PCDH11X: variants seen among roughly 807,000 people sequenced by gnomAD.
PCDH11X encodes protocadherin 11 X-linked, also known as protocadherin-11 X-linked.
A neutral mutation model predicts 53.3 loss-of-function variants in PCDH11X; 18 were observed. The observed-to-expected ratio is 0.34, with a 90% CI of 0.23 to 0.50. PCDH11X has a LOEUF of 0.50. PCDH11X is among the 20% of genes least tolerant of loss of function. PCDH11X has a pLI of 0.98. For synonymous variants in PCDH11X, 279 were observed against 393.3 expected (o/e 0.71, Z 3.44); for missense variants, 570 against 1,032.4 (o/e 0.55, Z 6.14).
At chrX:92,021,874 T>G (rs2062889924) in intron 6 of PCDH11X, among the ~76,000 whole-genome samples, 1 of 108,518 alleles carries the variant, frequency 9.2e-6, no homozygotes, top group African/African-American at 3.4e-5. Flanking sequence ...TTCAACATTC[T>G]TAAAAAAAAG....
At chrX:92,604,921 C>T (rs1310382151) in intron 10 of PCDH11X, among the ~76,000 whole-genome samples, 1 of 103,569 alleles carries the variant, frequency 9.7e-6, no homozygotes, top group Non-Finnish European at 1.9e-5. Context: ...AACTCCAGTG[C>T]CACCAAATTC....
intron 8 of PCDH11X, among the ~76,000 whole-genome samples, chrX:92,312,482 G>A (rs1355400356): frequency 5.4e-5 from 6 of 110,340 alleles, no homozygotes; most frequent in Admixed American, 1.9e-4. Context: ...GTTAAAGTAA[G>A]AGATTGGTTC....
chrX:91,980,955 G>GTA (rs766457156), intron 6 of PCDH11X, among the ~76,000 whole-genome samples: 3,679 of 83,498 alleles, frequency 0.044, 123 homozygotes, highest in African/African-American at 0.1. Flanking sequence ...TTTTATATAT[G>GTA]TATATATATA....
intron 7 of PCDH11X, among the ~76,000 whole-genome samples, chrX:92,241,651 G>A (rs1240323467): frequency 8.9e-6 from 1 of 111,963 alleles, no homozygotes; most frequent in East Asian, 2.8e-4. Flanking sequence ...GTGAATGTCT[G>A]TCACAGCAGA....
At chrX:91,863,768 AT>A (rs1401397599) in intron 5 of PCDH11X, among the ~76,000 whole-genome samples, 1 of 110,543 alleles carries the variant, frequency 9.0e-6, no homozygotes, top group African/African-American at 3.3e-5. Flanking sequence ...TTTTCATTTT[AT>A]GTTTTTTGGT....
chrX:91,857,236 T>C (rs188203958), intron 5 of PCDH11X, among the ~76,000 whole-genome samples: 2,733 of 110,563 alleles, frequency 0.025, 38 homozygotes, highest in Non-Finnish European at 0.037. Context: ...ATGAGACTTA[T>C]TCACTATCAC....
intron 7 of PCDH11X, among the ~76,000 whole-genome samples, chrX:92,216,052 T>C (rs1335885867): frequency 1.8e-5 from 2 of 110,090 alleles, no homozygotes; most frequent in African/African-American, 6.6e-5. Context: ...AAAACCCATC[T>C]GTATGTCACC....
chrX:91,990,513 A>G (rs1054244637), intron 6 of PCDH11X, among the ~76,000 whole-genome samples: 12 of 111,753 alleles, frequency 1.1e-4, no homozygotes, highest in African/African-American at 3.9e-4. Context: ...GCTTCATGGT[A>G]TGATGAGTGA....
intron 9 of PCDH11X, among the ~76,000 whole-genome samples, chrX:92,403,761 G>T (rs1306678350): frequency 2.7e-5 from 3 of 111,357 alleles, no homozygotes; most frequent in Non-Finnish European, 5.7e-5. Context: ...GAAAATAGAA[G>T]ACCTGATAAT....
At chrX:92,555,525 T>G (rs1169629182) in intron 10 of PCDH11X, among the ~76,000 whole-genome samples, 2 of 111,984 alleles carry the variant, frequency 1.8e-5, no homozygotes, top group Non-Finnish European at 3.8e-5. Flanking sequence ...ATTAGAGACT[T>G]CATGGAATAT....
chrX:91,929,422 C>A (rs186391034), intron 6 of PCDH11X, among the ~76,000 whole-genome samples: 2 of 110,357 alleles, frequency 1.8e-5, no homozygotes, highest in East Asian at 5.8e-4. Flanking sequence ...ACTTACATTT[C>A]TTTGTGTCTG....
chrX:92,429,092 A>G (rs1479527951), intron 9 of PCDH11X, among the ~76,000 whole-genome samples: 1 of 111,074 alleles, frequency 9.0e-6, no homozygotes, highest in African/African-American at 3.3e-5. Context: ...TTTTCTTGGC[A>G]GTGGTCAATA....
intron 6 of PCDH11X, among the ~76,000 whole-genome samples, chrX:92,118,733 T>G (rs2064690003): frequency 2.0e-5 from 1 of 50,499 alleles, no homozygotes. Flanking sequence ...AATGCAGTCT[T>G]TTTTTTTTTT....
intron 6 of PCDH11X, among the ~76,000 whole-genome samples, chrX:91,889,273 A>G (rs1464370594): frequency 9.0e-6 from 1 of 111,353 alleles, no homozygotes; most frequent in Non-Finnish European, 1.9e-5. Flanking sequence ...TTTTGCAGAA[A>G]ATTATACTCA....
At chrX:91,788,004 A>G (rs1181921321) in intron 1 of PCDH11X, among the ~76,000 whole-genome samples, 2 of 111,696 alleles carry the variant, frequency 1.8e-5, no homozygotes, top group African/African-American at 6.5e-5. Flanking sequence ...TTTTACAGAT[A>G]AGAAAAGGAA....
At chrX:92,003,625 T>A (rs2062548829) in intron 6 of PCDH11X, among the ~76,000 whole-genome samples, 1 of 100,226 alleles carries the variant, frequency 1.0e-5, no homozygotes, top group African/African-American at 3.7e-5. Flanking sequence ...CTTGCTAGGT[T>A]GTATGTATAC....
intron 10 of PCDH11X, among the ~76,000 whole-genome samples, chrX:92,491,492 G>A (rs1254542782): frequency 9.1e-6 from 1 of 109,834 alleles, no homozygotes; most frequent in Admixed American, 9.8e-5. Context: ...TGATGTTTTT[G>A]TACACCTCTG....
intron 8 of PCDH11X, among the ~76,000 whole-genome samples, chrX:92,280,614 G>T (rs187992269): frequency 3.5e-4 from 39 of 110,271 alleles, no homozygotes; most frequent in Admixed American, 3.3e-3. Context: ...TTATTGTTCA[G>T]TTCTGAATCT....
chrX:92,225,421 G>GA (rs1332031577), intron 7 of PCDH11X, among the ~76,000 whole-genome samples: 6 of 109,924 alleles, frequency 5.5e-5, no homozygotes, highest in Admixed American at 9.9e-5. Flanking sequence ...AAAGAGAAAA[G>GA]AAAAAAATAA....
Sources: allele counts gnomAD v4.1 joint callset (sites outside exome capture counted in the v4.1 genomes callset), GRCh38; gene constraint gnomAD v4.1.1; transcripts MANE v1.5; gene names NCBI Gene and HGNC (gene_info 2026-07-23, HGNC 2026-07-21).